HSDL2: variants seen among roughly 807,000 people sequenced by gnomAD.
HSDL2 encodes hydroxysteroid dehydrogenase like 2.
In HSDL2, 27 loss-of-function variants were observed where a neutral mutation model predicts 46.3. The observed-to-expected ratio is 0.58, with a 90% CI of 0.43 to 0.80. The LOEUF is 0.80. Ranked by LOEUF, HSDL2 falls within the 30% of genes least tolerant of loss-of-function variation. HSDL2 has a pLI of 0.00. For synonymous variants in HSDL2, 153 were observed against 163.6 expected, an observed-to-expected ratio of 0.94 and a Z score of 0.50; for missense variants, 451 against 502.7, an observed-to-expected ratio of 0.90 and a Z score of 0.98.
chr9:112,452,609 C>G (rs966300391), intron 8 of HSDL2, among the ~76,000 whole-genome samples: 1 of 152,024 alleles, frequency 6.6e-6, no homozygotes, highest in African/African-American at 2.4e-5. Context: ...TAGCCGGGCA[C>G]GGTGGTGGGC....
At chr9:112,406,596 G>A (rs1053030379) in intron 3 of HSDL2, among the ~76,000 whole-genome samples, 4 of 151,706 alleles carry the variant, frequency 2.6e-5, no homozygotes, top group Admixed American at 6.6e-5. Context: ...TCAGCCTCCC[G>A]AGTAGCTGGG....
intron 8 of HSDL2, among the ~76,000 whole-genome samples, chr9:112,452,102 T>C (rs977668385): frequency 6.6e-6 from 1 of 152,364 alleles, no homozygotes; most frequent in East Asian, 1.9e-4. Context: ...AAAAATTCTT[T>C]AAGGCTTTCA....
chr9:112,451,777 C>T (rs1195930760), intron 8 of HSDL2, among the ~76,000 whole-genome samples: 1 of 151,308 alleles, frequency 6.6e-6, no homozygotes, highest in Non-Finnish European at 1.5e-5. Flanking sequence ...TTTGAAGGAT[C>T]GGCAGGCATA....
intron 10 of HSDL2, among the ~76,000 whole-genome samples, chr9:112,462,448 C>CT (rs1174235578): frequency 1.8e-5 from 2 of 113,378 alleles, no homozygotes; most frequent in East Asian, 2.4e-4. Context: ...GGGTGACTGA[C>CT]TGAGACCCTG....
intron 1 of HSDL2, among the ~76,000 whole-genome samples, chr9:112,388,234 G>A (rs1438076681): frequency 6.6e-6 from 1 of 151,890 alleles, no homozygotes; most frequent in African/African-American, 2.4e-5. Context: ...AGGCCGAGGC[G>A]GGCAGATCAC....
At chr9:112,459,146 C>T (rs1833127658) in intron 9 of HSDL2, among the ~76,000 whole-genome samples, 1 of 152,194 alleles carries the variant, frequency 6.6e-6, no homozygotes, top group Non-Finnish European at 1.5e-5. Context: ...AACCACTGTT[C>T]TACTTTCTGT....
At chr9:112,446,764 G>C (rs1832767972) in intron 8 of HSDL2, among the ~76,000 whole-genome samples, 1 of 152,184 alleles carries the variant, frequency 6.6e-6, no homozygotes, top group Non-Finnish European at 1.5e-5. Flanking sequence ...TCCACTGCAG[G>C]ACTCCCCTAC....
intron 1 of HSDL2, among the ~76,000 whole-genome samples, chr9:112,384,096 T>A (rs1056038741): frequency 2.0e-5 from 3 of 152,250 alleles, no homozygotes; most frequent in African/African-American, 7.2e-5. Flanking sequence ...ATTTTCCTGG[T>A]TATACTTGGG....
At chr9:112,420,948 T>TA (rs1446604647) in intron 6 of HSDL2, among the ~76,000 whole-genome samples, 2 of 45,960 alleles carry the variant, frequency 4.4e-5, no homozygotes, top group African/African-American at 1.8e-4. Flanking sequence ...GCGCTGGTAA[T>TA]TTTTTTTTTT....
chr9:112,423,902 CAG>C (rs1381394427), intron 6 of HSDL2, among the ~76,000 whole-genome samples: 1 of 150,240 alleles, frequency 6.7e-6, no homozygotes, highest in African/African-American at 2.4e-5. Flanking sequence ...TTAGTAGAGA[CAG>C]GGTTTCACTA....
chr9:112,397,794 CAA>C (rs996520256), intron 1 of HSDL2, among the ~76,000 whole-genome samples: 1 of 152,128 alleles, frequency 6.6e-6, no homozygotes, highest in African/African-American at 2.4e-5. Flanking sequence ...GACCTCAGTA[CAA>C]AGAGTCTGTA....
chr9:112,426,496 A>T (rs1455576485), intron 6 of HSDL2, among the ~76,000 whole-genome samples: 1 of 152,132 alleles, frequency 6.6e-6, no homozygotes, highest in African/African-American at 2.4e-5. Context: ...TTGGTCTCCC[A>T]AAGTGCTGGG....
In HSDL2 at chr9:112,472,120, A is replaced by G. The variant is rs1468297613; in HGVS notation, c.*1576A>G. The stretch of plus-strand genomic sequence containing the variant: ...TGAACTTAAAAATAGGACAGTTTCA[A>G]CAAGTCAGGAGATTCACAGCAACTG... On this transcript the variant is annotated 3_prime_UTR_variant, in exon 11 of 11. Coordinates refer to ENST00000398805, the MANE Select transcript of HSDL2 (RefSeq NM_032303.5). 5 of 152,256 alleles carry G rather than the reference A, an allele frequency of 3.3e-5. No individual in the cohort carries two copies. Among genetic ancestry groups the G allele is most frequent in the African/African-American group, 1.2e-4 (5 of 41,468 alleles). 9.4% of individuals were successfully genotyped at this position (152,256 alleles called of 1,614,324 possible).
intron 8 of HSDL2, among the ~76,000 whole-genome samples, chr9:112,450,694 A>C (rs1832865599): frequency 6.6e-6 from 1 of 151,900 alleles, no homozygotes; most frequent in East Asian, 1.9e-4. Flanking sequence ...TCCAATTATA[A>C]GTACATTTAT....
chr9:112,385,152 A>G (rs1444523417), intron 1 of HSDL2, among the ~76,000 whole-genome samples: 1 of 152,072 alleles, frequency 6.6e-6, no homozygotes, highest in African/African-American at 2.4e-5. Context: ...TTTTATGTAT[A>G]CTACCTTTTG....
intron 7 of HSDL2, among the ~76,000 whole-genome samples, chr9:112,441,478 G>A (rs1245889990): frequency 6.6e-6 from 1 of 152,056 alleles, no homozygotes; most frequent in African/African-American, 2.4e-5. Flanking sequence ...TGATCTTTTG[G>A]GGATTAAATC....
intron 6 of HSDL2, chr9:112,434,045 G>A (rs1587952891): frequency 6.6e-6 from 1 of 152,268 alleles, no homozygotes; most frequent in South Asian, 2.1e-4. Context: ...TGGAATTTCA[G>A]GCTTCCAACT....
intron 8 of HSDL2, among the ~76,000 whole-genome samples, chr9:112,452,653 T>C (rs1832914949): frequency 6.6e-6 from 1 of 152,108 alleles, no homozygotes; most frequent in South Asian, 2.1e-4. Flanking sequence ...AGGCTGAAGC[T>C]GGAGAATCAC....
At chr9:112,445,714 G>A (rs1310593444) in intron 8 of HSDL2, among the ~76,000 whole-genome samples, 2 of 152,008 alleles carry the variant, frequency 1.3e-5, no homozygotes, top group Non-Finnish European at 2.9e-5. Flanking sequence ...AGTAGAGATG[G>A]GGTTTCGCCA....
Sources: gnomAD v4.1 joint callset for allele counts (sites outside exome capture counted in the v4.1 genomes callset) on GRCh38, gnomAD v4.1.1 for gene constraint, MANE v1.5 for transcripts, NCBI Gene and HGNC (gene_info 2026-07-23, HGNC 2026-07-21) for gene names.